SLC25A30: variants seen among roughly 807,000 people sequenced by gnomAD.
SLC25A30 encodes solute carrier family 25 member 30, also known as kidney mitochondrial carrier protein 1.
Under a neutral mutation model 42.7 loss-of-function variants are expected in SLC25A30, and 29 were observed. That is an observed-to-expected ratio of 0.68 (90% CI 0.51 to 0.93). SLC25A30 has a LOEUF of 0.93. SLC25A30 is among the 40% of genes least tolerant of loss of function. The pLI, the probability that SLC25A30 is intolerant of heterozygous loss-of-function variation, is 0.00. For synonymous variants in SLC25A30, 124 were observed against 131.0 expected, an observed-to-expected ratio of 0.95 and a Z score of 0.37; for missense variants, 300 against 359.7, an observed-to-expected ratio of 0.83 and a Z score of 1.34.
At chr13:45,419,004 G>A (rs1243632364), upstream of SLC25A30, among the ~76,000 whole-genome samples, 200 of 115,748 alleles carry the variant, frequency 1.7e-3, 2 homozygotes, top group Middle Eastern at 0.028. Flanking sequence ...GGTGGCGGGT[G>A]CCTGTAATCC....
rs182503383 is a variant in SLC25A30 at position 45,406,691 on chromosome 13, T to G, written c.213-714A>C. Reference sequence around the variant, plus strand: ...ACCCTCAAAACTCCCCTCTTCAAGGTGACCAACTGACATCTTTGTTGCTAA... The same window carrying G: ...ACCCTCAAAACTCCCCTCTTCAAGGGGACCAACTGACATCTTTGTTGCTAA... On this transcript the variant is annotated intron_variant, in intron 3 of 9. Coordinates refer to ENST00000519676, the MANE Select transcript of SLC25A30 (RefSeq NM_001010875.4). Among the ~76,000 whole-genome samples, 141 of 152,300 alleles carry G rather than the reference T, an allele frequency of 9.3e-4. 1 individual carries two copies. Among genetic ancestry groups the G allele is most frequent in the African/African-American group, 3.2e-3 (132 of 41,558 alleles).
rs887101383 is a variant in SLC25A30 at position 45,395,896 on chromosome 13, A to G, written c.*78T>C. The G allele has an allele frequency of 2.7e-5, 43 of 1,613,296 alleles. 2 individuals carry two copies. The Middle Eastern group carries it at 3.5e-3, about 130-fold the overall frequency. ...ATCTGTGATGAGCCAAGCAGTGAGA[A>G]GCAGAGTGAAACACAGGAAGCTTTG... On this transcript the variant is annotated 3_prime_UTR_variant, in exon 10 of 10. Coordinates refer to ENST00000519676, the MANE Select transcript of SLC25A30 (RefSeq NM_001010875.4).
chr13:45,426,279 G>C, the SLC25A30 span, among the ~76,000 whole-genome samples: 2 of 151,570 alleles, frequency 1.3e-5, no homozygotes, highest in African/African-American at 2.4e-5. Flanking sequence ...TAGAGACGGG[G>C]TTTCACCATG....
At chr13:45,410,522 C>T (rs957435850) in intron 2 of SLC25A30, among the ~76,000 whole-genome samples, 5 of 151,436 alleles carry the variant, frequency 3.3e-5, no homozygotes, top group South Asian at 2.1e-4. Flanking sequence ...AAGAATTAGC[C>T]GGGCGTGGTC....
intron 2 of SLC25A30, among the ~76,000 whole-genome samples, chr13:45,410,737 G>A (rs545790641): frequency 4.6e-5 from 7 of 152,204 alleles, no homozygotes; most frequent in African/African-American, 1.7e-4. Flanking sequence ...GCTTGAGCAC[G>A]GGAGGCGGAG....
At chr13:45,415,215 C>G (rs1883414066) in intron 1 of SLC25A30, among the ~76,000 whole-genome samples, 1 of 152,154 alleles carries the variant, frequency 6.6e-6, no homozygotes, top group African/African-American at 2.4e-5. Flanking sequence ...TTATCCACAT[C>G]TCACAACTAA....
chr13:45,424,530 T>C, the SLC25A30 span, among the ~76,000 whole-genome samples: 392 of 79,100 alleles, frequency 5.0e-3, 74 homozygotes, highest in Non-Finnish European at 7.3e-3. Context: ...TATAAAAATA[T>C]ATATAAATAT....
At chr13:45,402,542 T>C (rs1293259225) in intron 5 of SLC25A30, among the ~76,000 whole-genome samples, 172 bp from the exon 6 acceptor site, 1 of 152,186 alleles carries the variant, frequency 6.6e-6, no homozygotes, top group Admixed American at 6.5e-5. Context: ...CTAAAACGTA[T>C]AAAAATTTAT....
At chr13:45,413,896 C>T (rs540344402) in intron 1 of SLC25A30, among the ~76,000 whole-genome samples, 1 of 152,196 alleles carries the variant, frequency 6.6e-6, no homozygotes, top group East Asian at 1.9e-4. Flanking sequence ...TTTCCTCTGT[C>T]GGTTTTGATA....
At chr13:45,433,447 G>A in the SLC25A30 span, among the ~76,000 whole-genome samples, 1 of 152,166 alleles carries the variant, frequency 6.6e-6, no homozygotes, top group African/African-American at 2.4e-5. Context: ...TACATTCACA[G>A]AATAACCAAG....
chr13:45,429,056 CTTTTTTTTTTTTTTTTTT>C, the SLC25A30 span, among the ~76,000 whole-genome samples: 3 of 93,858 alleles, frequency 3.2e-5, no homozygotes, highest in African/African-American at 5.0e-5. Context: ...TGTGCAAGCT[CTTTTTTTTTTTTTTTTTT>C]TTTTTTTTTT....
chr13:45,432,954 C>G, the SLC25A30 span, among the ~76,000 whole-genome samples: 3 of 149,954 alleles, frequency 2.0e-5, no homozygotes, highest in East Asian at 3.9e-4. Context: ...GGAGGATCAC[C>G]TGAACCCGGG....
rs1466774257 is a variant in SLC25A30, at chr13:45,394,757, A to G, written c.*1217T>C. On this transcript the variant is annotated 3_prime_UTR_variant, in exon 10 of 10. Coordinates refer to ENST00000519676, the MANE Select transcript of SLC25A30 (RefSeq NM_001010875.4). ...ACAGAAGGAAAGAAAAAGGGAAAAT[A>G]TTACATACCACCTATCAGAAACTAG... is the stretch of plus-strand genomic sequence containing the variant. 39 of 985,176 alleles carry G rather than the reference A, an allele frequency of 4.0e-5. No individual in the cohort carries two copies. Among genetic ancestry groups the G allele is most frequent in the Non-Finnish European group, 4.7e-5 (39 of 829,788 alleles). 61.0% of individuals were successfully genotyped at this position (985,176 alleles called of 1,614,324 possible). A position where few individuals can be genotyped will look rare whatever the true frequency, so the allele number is the denominator to read the frequency against.
the SLC25A30 span, among the ~76,000 whole-genome samples, chr13:45,424,717 A>G: frequency 7.0e-3 from 450 of 64,620 alleles, 97 homozygotes; most frequent in Middle Eastern, 0.019. Flanking sequence ...ATACATATAT[A>G]AATATATATA....
intron 2 of SLC25A30, among the ~76,000 whole-genome samples, chr13:45,410,491 CT>C (rs1882911882): frequency 6.6e-6 from 1 of 152,146 alleles, no homozygotes. Context: ...CATGGCAAAA[CT>C]CCATCTCTAA....
intron 9 of SLC25A30, chr13:45,397,019 TA>T (rs1011448757): frequency 2.1e-6 from 1 of 474,342 alleles, no homozygotes; most frequent in African/African-American, 2.0e-5. Context: ...AGAGTCTAAC[TA>T]AACCTTTTTA....
chr13:45,400,414 C>CT (rs1881854669), intron 7 of SLC25A30, among the ~76,000 whole-genome samples: 1 of 152,000 alleles, frequency 6.6e-6, no homozygotes, highest in African/African-American at 2.4e-5. Context: ...AGTGAGACCC[C>CT]GTCTCACATA....
the SLC25A30 span, among the ~76,000 whole-genome samples, chr13:45,424,408 A>AAT: frequency 3.3e-5 from 2 of 59,826 alleles, no homozygotes; most frequent in Non-Finnish European, 5.9e-5. Flanking sequence ...AATATATAAA[A>AAT]ATATATATAA....
At chr13:45,424,831 T>TATATAA in the SLC25A30 span, among the ~76,000 whole-genome samples, 1 of 53,678 alleles carries the variant, frequency 1.9e-5, no homozygotes, top group African/African-American at 8.0e-5. Flanking sequence ...TATAAAAATA[T>TATATAA]ATATATAAAA....
Sources: gnomAD v4.1 joint callset for allele counts (sites outside exome capture counted in the v4.1 genomes callset) on GRCh38, gnomAD v4.1.1 for gene constraint, MANE v1.5 for transcripts, NCBI Gene and HGNC (gene_info 2026-07-23, HGNC 2026-07-21) for gene names.